ARSB: variants seen among roughly 807,000 people sequenced by gnomAD.
The protein encoded by ARSB is N-acetylgalactosamine-4-sulfatase.
Under a neutral mutation model 50.9 loss-of-function variants are expected in ARSB, and 41 were observed. The ratio of observed to expected loss-of-function variants is 0.81; its 90% confidence interval spans 0.63 to 1.04. The LOEUF is 1.04. Among genes scored for constraint, ARSB ranks in the 50% least tolerant of loss-of-function variants. The probability of loss-of-function intolerance (pLI) is 0.00; values close to 1 mark genes in which losing one functional copy is unlikely to be tolerated. For missense variants in ARSB, 672 were observed against 693.3 expected, an observed-to-expected ratio of 0.97 and a Z score of 0.35; for synonymous variants, 269 against 284.8, an observed-to-expected ratio of 0.94 and a Z score of 0.56.
At position 78,960,222 on chromosome 5, in the gene ARSB, T is replaced by C. The variant is rs368583739; in HGVS notation, c.690+4194A>G. Among the ~76,000 whole-genome samples the C allele has an allele frequency of 1.1e-4, 16 of 152,352 alleles. No individual in the cohort carries two copies. In the East Asian group the frequency reaches 1.5e-3, roughly 15 times the overall value. Reference sequence around the variant, plus strand: ...TATTAGCATATTCATGTTTGAGATATTGGGGGTTCTTTTCCCTTTATTTAT... The same window carrying C: ...TATTAGCATATTCATGTTTGAGATACTGGGGGTTCTTTTCCCTTTATTTAT... On this transcript the variant is annotated intron_variant, in intron 3 of 7. Coordinates refer to ENST00000264914, the MANE Select transcript of ARSB (RefSeq NM_000046.5).
chr5:78,828,974 G>T (rs897738548), intron 6 of ARSB, among the ~76,000 whole-genome samples: 1 of 152,226 alleles, frequency 6.6e-6, no homozygotes, highest in Admixed American at 6.5e-5. Flanking sequence ...TGGAAGCCAG[G>T]TTCAAAGAAT....
chr5:78,803,554 C>T (rs1356444127), intron 6 of ARSB, among the ~76,000 whole-genome samples: 3 of 152,192 alleles, frequency 2.0e-5, no homozygotes, highest in Non-Finnish European at 4.4e-5. Context: ...TGGCCTTGGT[C>T]CACTGGGGCC....
chr5:78,908,055 CAAT>C (rs2112301437), intron 4 of ARSB, among the ~76,000 whole-genome samples: 1 of 152,240 alleles, frequency 6.6e-6, no homozygotes, highest in East Asian at 1.9e-4. Flanking sequence ...TGTCTATTTC[CAAT>C]AATAGAAATT....
At chr5:78,910,979 A>G (rs1235753066) in intron 4 of ARSB, among the ~76,000 whole-genome samples, 1 of 152,178 alleles carries the variant, frequency 6.6e-6, no homozygotes, top group East Asian at 1.9e-4. Flanking sequence ...AATAAAGTCA[A>G]GTGATCTTAC....
At chr5:78,890,735 C>T (rs11741352) in intron 4 of ARSB, among the ~76,000 whole-genome samples, 56,847 of 151,962 alleles carry the variant, frequency 0.37, 11,724 homozygotes, top group Non-Finnish European at 0.44. Context: ...TTTTGGGTAT[C>T]AACTCCTGTC....
At chr5:78,890,251 C>CTTTTTTTT (rs55797488) in intron 4 of ARSB, among the ~76,000 whole-genome samples, 1 of 134,904 alleles carries the variant, frequency 7.4e-6, no homozygotes. Flanking sequence ...CAAATCTTAT[C>CTTTTTTTT]TTTTTTTTTT....
intron 6 of ARSB, among the ~76,000 whole-genome samples, chr5:78,833,844 C>A: frequency 6.6e-6 from 1 of 152,266 alleles, no homozygotes; most frequent in Middle Eastern, 3.4e-3. Flanking sequence ...ATGCAGGGAG[C>A]GATGAGGGTG....
chr5:78,862,062 T>G (rs1331370795), intron 5 of ARSB, among the ~76,000 whole-genome samples: 1 of 152,164 alleles, frequency 6.6e-6, no homozygotes, highest in African/African-American at 2.4e-5. Context: ...TTACAAGGGA[T>G]GTGAAGGACC....
At chr5:78,860,592 C>T (rs1746384807) in intron 5 of ARSB, among the ~76,000 whole-genome samples, 1 of 152,208 alleles carries the variant, frequency 6.6e-6, no homozygotes, top group African/African-American at 2.4e-5. Context: ...ACCAGAACCT[C>T]TGGGACACAT....
chr5:78,872,344 C>A (rs1353647738), intron 5 of ARSB, among the ~76,000 whole-genome samples: 1 of 149,996 alleles, frequency 6.7e-6, no homozygotes, highest in East Asian at 1.9e-4. Context: ...ATAAATCATG[C>A]TGCTATAAAG....
At chr5:78,966,926 T>TA (rs35103058) in intron 2 of ARSB, among the ~76,000 whole-genome samples, 31,618 of 141,500 alleles carry the variant, frequency 0.22, 3,645 homozygotes, top group Admixed American at 0.29. Context: ...CGGGTCCATT[T>TA]AAAAAAAAAA....
intron 6 of ARSB, among the ~76,000 whole-genome samples, chr5:78,820,528 T>C (rs991968754): frequency 6.6e-6 from 1 of 151,758 alleles, no homozygotes; most frequent in African/African-American, 2.4e-5. Flanking sequence ...ACCACTGCAC[T>C]CCAGCCTGGG....
At chr5:78,782,316 A>C (rs1748949834) in intron 6 of ARSB, among the ~76,000 whole-genome samples, 1 of 152,228 alleles carries the variant, frequency 6.6e-6, no homozygotes, top group South Asian at 2.1e-4. Flanking sequence ...TTTGGCTGTT[A>C]AACATTTAAA....
intron 6 of ARSB, among the ~76,000 whole-genome samples, chr5:78,800,043 C>T (rs752162066): frequency 6.6e-6 from 1 of 152,144 alleles, no homozygotes; most frequent in South Asian, 2.1e-4. Context: ...AGCGGCCAGT[C>T]GCGGTGGCTC....
At chr5:78,911,572 TA>T (rs71001137) in intron 4 of ARSB, among the ~76,000 whole-genome samples, 13 of 67,846 alleles carry the variant, frequency 1.9e-4, no homozygotes, top group African/African-American at 7.8e-4. Flanking sequence ...AGACTCCCTC[TA>T]AAAAAAAAAA....
At chr5:78,973,273 G>C (rs908470826) in intron 1 of ARSB, among the ~76,000 whole-genome samples, 1 of 152,176 alleles carries the variant, frequency 6.6e-6, no homozygotes, top group Non-Finnish European at 1.5e-5. Context: ...TGTAATATAC[G>C]AAAGTCCAAG....
At chr5:78,830,959 C>T (rs1040339766) in intron 6 of ARSB, among the ~76,000 whole-genome samples, 19 of 152,140 alleles carry the variant, frequency 1.2e-4, no homozygotes, top group African/African-American at 4.1e-4. Context: ...CCATGCTTAC[C>T]GGAACCCTCC....
intron 6 of ARSB, among the ~76,000 whole-genome samples, chr5:78,823,850 C>A (rs1744330063): frequency 6.6e-6 from 1 of 152,160 alleles, no homozygotes; most frequent in Admixed American, 6.5e-5. Flanking sequence ...TGCTATACAA[C>A]TAGCTTAAAT....
chr5:78,969,156 AG>A lies in ARSB; in HGVS notation c.348del (p.Cys117ValfsTer17). 1 of 1,614,188 alleles carries A rather than the reference AG, an allele frequency of 6.2e-7. No homozygotes were observed. The highest frequency in any genetic ancestry group is 1.7e-5 in the Admixed American group (1 of 60,030). On this transcript the variant is annotated frameshift_variant, in exon 2 of 8. Coordinates refer to ENST00000264914, the MANE Select transcript of ARSB (RefSeq NM_000046.5). LOFTEE classifies it high-confidence loss of function. The part of the protein sequence containing the change: ...RTGLQHQIIW[P>X]CQPSCVPLDE... ...TCCAGAGGAACACAGCTGGGCTGAC[AG>A]GGCCAGATTATTTGGTGCTGTAAAC...
Sources: gnomAD v4.1 joint callset for allele counts (sites outside exome capture counted in the v4.1 genomes callset) on GRCh38, gnomAD v4.1.1 for gene constraint, MANE v1.5 for transcripts, NCBI Gene and HGNC (gene_info 2026-07-23, HGNC 2026-07-21) for gene names.